The following TPRG1 variants were observed in gnomAD, a reference collection of about 807,000 sequenced individuals.
TPRG1 encodes the protein tumor protein p63 regulated 1.
A neutral mutation model predicts 29.3 loss-of-function variants in TPRG1; 29 were observed. That is an observed-to-expected ratio of 0.99 (90% CI 0.74 to 1.35). TPRG1 has a LOEUF of 1.35. Ranked by LOEUF, TPRG1 falls within the 40% of genes most tolerant of loss-of-function variation. The pLI is 0.00. For missense variants in TPRG1, 327 were observed against 335.0 expected (o/e 0.98, Z 0.19); for synonymous variants, 130 against 116.8 (o/e 1.11, Z -0.73).
chr3:189,129,935 A>T (rs1456384807), intron 2 of TPRG1, among the ~76,000 whole-genome samples: 1 of 152,198 alleles, frequency 6.6e-6, no homozygotes, highest in Non-Finnish European at 1.5e-5. Context: ...AATGCACAAA[A>T]AATCTCATGG....
chr3:189,058,207 G>A (rs922439674), intron 4 of TPRG1, among the ~76,000 whole-genome samples: 45 of 152,010 alleles, frequency 3.0e-4, no homozygotes, highest in African/African-American at 1.0e-3. Flanking sequence ...GGAAGAGCGA[G>A]GTCCCAGCGA....
intron 4 of TPRG1, among the ~76,000 whole-genome samples, chr3:189,244,748 G>T (rs1741131913): frequency 6.6e-6 from 1 of 152,260 alleles, no homozygotes; most frequent in African/African-American, 2.4e-5. Flanking sequence ...AATTCAAGAT[G>T]AGAATTGGTG....
intron 4 of TPRG1, among the ~76,000 whole-genome samples, chr3:189,078,142 C>CTTT: frequency 2.0e-5 from 1 of 49,432 alleles, no homozygotes; most frequent in African/African-American, 6.4e-5. Context: ...TCTTTCCTTT[C>CTTT]TTTTTTTTTT....
intron 3 of TPRG1, among the ~76,000 whole-genome samples, chr3:189,022,609 G>A (rs1257707875): frequency 1.3e-4 from 20 of 152,060 alleles, no homozygotes; most frequent in Non-Finnish European, 2.1e-4. Context: ...CCAGCTGCGT[G>A]CTGGGAGAAC....
chr3:189,294,833 G>A (rs7634636), intron 4 of TPRG1, among the ~76,000 whole-genome samples: 8,891 of 139,962 alleles, frequency 0.064, 608 homozygotes, highest in African/African-American at 0.17. Context: ...CACACAGCGC[G>A]CAAGCAGGAA....
chr3:189,031,310 T>A (rs1396273018), intron 4 of TPRG1, among the ~76,000 whole-genome samples: 1 of 149,738 alleles, frequency 6.7e-6, no homozygotes, highest in African/African-American at 2.5e-5. Context: ...AAAGAAAAAT[T>A]AAAAGGGACA....
chr3:189,084,293 T>TA (rs1357972558), intron 4 of TPRG1, among the ~76,000 whole-genome samples: 1 of 152,244 alleles, frequency 6.6e-6, no homozygotes, highest in Non-Finnish European at 1.5e-5. Flanking sequence ...TGTGGCTTTA[T>TA]AAAGTACCAA....
intron 5 of TPRG1, among the ~76,000 whole-genome samples, chr3:189,157,592 G>A (rs970469194): frequency 2.0e-5 from 3 of 152,158 alleles, no homozygotes; most frequent in Admixed American, 6.5e-5. Flanking sequence ...TGCTTTTGGC[G>A]AAAGACAAGG....
At chr3:189,288,695 A>G (rs1387021217) in intron 4 of TPRG1, among the ~76,000 whole-genome samples, 1 of 152,258 alleles carries the variant, frequency 6.6e-6, no homozygotes, top group Non-Finnish European at 1.5e-5. Context: ...AAACAGTATC[A>G]TTCTGAGCTA....
rs1363951635 is a variant in TPRG1 at position 189,024,325 on chromosome 3, A to AT, written c.-463+381dup. ...CTGCTGGGGAACCGCCTCTGCCCTG[A>AT]TTCGTTTGGACTCTCCAAAGCCTCT... On this transcript the variant is annotated intron_variant, in intron 4 of 10. Transcript: ENST00000433971. Among the ~76,000 whole-genome samples, 3 of 152,080 alleles carry AT rather than the reference A, an allele frequency of 2.0e-5. No homozygotes were observed. The East Asian group carries it at 5.8e-4, about 30-fold the overall frequency.
chr3:189,143,184 T>C (rs1724805836), intron 3 of TPRG1, among the ~76,000 whole-genome samples: 2 of 152,164 alleles, frequency 1.3e-5, no homozygotes, highest in Admixed American at 1.3e-4. Flanking sequence ...GGATTTTACA[T>C]TTTCCAAAAG....
chr3:189,045,720 ATTAT>A (rs1347049663), intron 4 of TPRG1, among the ~76,000 whole-genome samples: 1 of 152,236 alleles, frequency 6.6e-6, no homozygotes, highest in Non-Finnish European at 1.5e-5. Flanking sequence ...ACTGAAAGAA[ATTAT>A]TTATATTATA....
At chr3:189,178,093 C>T (rs920484613) in intron 1 of TPRG1, among the ~76,000 whole-genome samples, 2 of 152,106 alleles carry the variant, frequency 1.3e-5, no homozygotes, top group African/African-American at 2.4e-5. Flanking sequence ...AGGCTCAAGA[C>T]AATGGGAAGA....
chr3:189,199,851 G>A (rs1280816966), intron 1 of TPRG1, among the ~76,000 whole-genome samples: 1 of 152,126 alleles, frequency 6.6e-6, no homozygotes, highest in Non-Finnish European at 1.5e-5. Flanking sequence ...CTGCACTGCA[G>A]CCGGGGCAAC....
At chr3:189,244,799 C>T (rs1741141442) in intron 4 of TPRG1, among the ~76,000 whole-genome samples, 1 of 152,134 alleles carries the variant, frequency 6.6e-6, no homozygotes, top group Non-Finnish European at 1.5e-5. Context: ...TGTGTCTTCC[C>T]TCTTTTTTCT....
chr3:189,022,672 C>G (rs1713399182), intron 3 of TPRG1, among the ~76,000 whole-genome samples: 1 of 152,214 alleles, frequency 6.6e-6, no homozygotes. Flanking sequence ...GCAGAGGTTA[C>G]TGCTGTCTTT....
intron 5 of TPRG1, among the ~76,000 whole-genome samples, chr3:189,314,401 G>A (rs9822563): frequency 0.38 from 58,006 of 152,026 alleles, 11,870 homozygotes; most frequent in Middle Eastern, 0.49. Context: ...TTACGTTCAA[G>A]TTAAAGTTTA....
At chr3:188,999,268 A>T (rs1393884925) in intron 1 of TPRG1, among the ~76,000 whole-genome samples, 2 of 152,168 alleles carry the variant, frequency 1.3e-5, no homozygotes, top group African/African-American at 4.8e-5. Flanking sequence ...GTTGGATTAA[A>T]TGGGGTGGTG....
chr3:189,064,937 C>G (rs998327797), intron 4 of TPRG1, among the ~76,000 whole-genome samples: 1 of 151,954 alleles, frequency 6.6e-6, no homozygotes, highest in Non-Finnish European at 1.5e-5. Flanking sequence ...ACCTGTAATC[C>G]CAGTGCTTTG....
Sources: gnomAD v4.1 joint callset for allele counts (sites outside exome capture counted in the v4.1 genomes callset) on GRCh38, gnomAD v4.1.1 for gene constraint, MANE v1.5 for transcripts, NCBI Gene and HGNC (gene_info 2026-07-23, HGNC 2026-07-21) for gene names.